Variants in ARMC6 observed in about 807,000 individuals in gnomAD.
ARMC6 encodes armadillo repeat-containing protein 6.
ARMC6 carries 43 observed loss-of-function variants against 49.2 expected under a neutral mutation model. The ratio of observed to expected loss-of-function variants is 0.87; its 90% CI spans 0.69 to 1.13. The LOEUF is 1.13. Among genes scored for constraint, ARMC6 ranks in the 50% most tolerant of loss-of-function variants. The pLI is 0.00. For missense variants in ARMC6, 627 were observed against 682.0 expected, an observed-to-expected ratio of 0.92 and a Z score of 0.90; for synonymous variants, 262 against 289.6, an observed-to-expected ratio of 0.90 and a Z score of 0.97.
In ARMC6 at chr19:19,033,823, A is replaced by C. The variant is rs1291178024; in HGVS notation, c.-187A>C. 3.7e-6 allele frequency: 1 copy of C among 267,304 alleles called. No individual in the cohort carries two copies. The allele number at this position is 267,304 out of a possible 1,614,324, so 16.6% of individuals were successfully genotyped here. A position where few individuals can be genotyped will look rare whatever the true frequency, so the allele number is the denominator to read the frequency against. On this transcript the variant is annotated 5_prime_UTR_variant, in exon 1 of 9. Transcript: ENST00000535612. Reference sequence around the variant, plus strand: ...CGCGAGTCTCTGGGAGGCCAAGCCTAGGGGCGCCACAGCGCCTGCGCGCGT... The same window carrying C: ...CGCGAGTCTCTGGGAGGCCAAGCCTCGGGGCGCCACAGCGCCTGCGCGCGT...
chr19:19,037,602 G>A, intron 2 of ARMC6: 1 of 1,241,484 alleles, frequency 8.1e-7, no homozygotes, highest in Non-Finnish European at 1.0e-6. Flanking sequence ...CTGGCCTCAT[G>A]TGATCCTTCC....
chr19:19,056,892 C>T (rs2145883975), intron 8 of ARMC6, among the ~76,000 whole-genome samples: 1 of 152,340 alleles, frequency 6.6e-6, no homozygotes, highest in South Asian at 2.1e-4. Context: ...TCTGGCCACC[C>T]TGGCCAGCAG....
chr19:19,048,273 G>A (rs967846229), intron 4 of ARMC6, among the ~76,000 whole-genome samples: 5 of 152,190 alleles, frequency 3.3e-5, no homozygotes, highest in Non-Finnish European at 7.3e-5. Flanking sequence ...TTGAACCCGG[G>A]AGGCAGAGGT....
intron 4 of ARMC6, among the ~76,000 whole-genome samples, chr19:19,047,564 G>A (rs1258943296): frequency 6.6e-5 from 10 of 152,288 alleles, no homozygotes; most frequent in Non-Finnish European, 1.3e-4. Flanking sequence ...ATGACTCCAG[G>A]AGTCAATGGG....
intron 2 of ARMC6, among the ~76,000 whole-genome samples, chr19:19,039,050 GTTC>G (rs1040295172): frequency 1.6e-4 from 24 of 152,214 alleles, no homozygotes; most frequent in African/African-American, 5.5e-4. Flanking sequence ...TCATTGCTCA[GTTC>G]TTTTTGTTTT....
At chr19:19,039,182 C>T in intron 2 of ARMC6, 1 of 232,314 alleles carries the variant, frequency 4.3e-6, no homozygotes, top group South Asian at 4.2e-5. Flanking sequence ...TCATCCAGAC[C>T]GGAGTGCAGT....
Position 19,057,905 on chromosome 19 carries a change from AGG to A in ARMC6, c.*281_*282del. ...TTCCCCCAGCCCCACGCCCTACCAG[AGG>A]GGGCAAAGGGCACGTCCCATCACTC... On this transcript the variant is annotated 3_prime_UTR_variant, in exon 9 of 9. Transcript: ENST00000535612. The A allele has an allele frequency of 1.8e-6, 1 of 557,840 alleles. No homozygotes were observed. The allele number at this position is 557,840 out of a possible 1,614,324, so 34.6% of individuals were successfully genotyped here.
chr19:19,050,788 C>T (rs1289424675), intron 4 of ARMC6, among the ~76,000 whole-genome samples: 1 of 152,146 alleles, frequency 6.6e-6, no homozygotes, highest in Non-Finnish European at 1.5e-5. Context: ...CTTTGTTTTT[C>T]GTGTCAGTCA....
rs760269589 is a variant in ARMC6 at position 19,052,216 on chromosome 19, C to G, written c.853+21C>G. On this transcript the variant is annotated intron_variant, in intron 5 of 8. Coordinates refer to ENST00000535612, the MANE Select transcript of ARMC6 (RefSeq NM_001199196.2). ...CAAAGGTAAGAGCTGGGGGCCGACA[C>G]GAGCCAGCGAACAAAGTGGGCGGGT... 2.6e-6 allele frequency: 4 copies of G among 1,556,100 alleles called. No homozygotes were observed. In the African/African-American group the frequency reaches 4.1e-5, roughly 16 times the overall value.
At chr19:19,049,530 T>G (rs1159802487) in intron 4 of ARMC6, among the ~76,000 whole-genome samples, 1 of 152,240 alleles carries the variant, frequency 6.6e-6, no homozygotes, top group Non-Finnish European at 1.5e-5. Flanking sequence ...AAAATGTGCA[T>G]AAAAACATTT....
intron 2 of ARMC6, among the ~76,000 whole-genome samples, chr19:19,035,180 A>G (rs2059347665): frequency 6.6e-6 from 1 of 151,566 alleles, no homozygotes; most frequent in Non-Finnish European, 1.5e-5. Flanking sequence ...AATTTTTTGT[A>G]TTTTCAGTAG....
At chr19:19,037,806 C>A in intron 2 of ARMC6, 1 of 600,542 alleles carries the variant, frequency 1.7e-6, no homozygotes, top group African/African-American at 2.1e-5. Flanking sequence ...GGGACGGTGG[C>A]AAATGTTAGG....
chr19:19,057,887 A>G lies in ARMC6; in HGVS notation c.*259A>G, dbSNP rs972367570. The stretch of plus-strand genomic sequence containing the variant: ...ATGTTACTGTCCTGCTCCTTCCCCC[A>G]GCCCCACGCCCTACCAGAGGGGGCA... On this transcript the variant is annotated 3_prime_UTR_variant, in exon 9 of 9. Coordinates refer to ENST00000535612, the MANE Select transcript of ARMC6 (RefSeq NM_001199196.2). 1 of 620,930 alleles carries G rather than the reference A, an allele frequency of 1.6e-6. No individual in the cohort carries two copies. Among genetic ancestry groups the G allele is most frequent in the South Asian group, 1.7e-5 (1 of 58,354 alleles). 38.5% of individuals were successfully genotyped at this position (620,930 alleles called of 1,614,324 possible). A position where few individuals can be genotyped will look rare whatever the true frequency, so the allele number is the denominator to read the frequency against.
In ARMC6 at chr19:19,055,266, A is replaced by G. The variant is rs757919981; in HGVS notation, c.1025A>G (p.Glu342Gly). 1.2e-5 allele frequency: 19 copies of G among 1,595,842 alleles called. No individual in the cohort carries two copies. Among genetic ancestry groups the G allele is most frequent in the Non-Finnish European group, 1.6e-5 (19 of 1,171,006 alleles). The change falls in exon 7 of 9, where the codon GAG becomes GGG. Residue 342 changes from glutamate (E) to glycine (G), a missense_variant and splice_region_variant. Physicochemically the swap from Glu to Gly is moderately conservative, Grantham distance 98. Coordinates refer to ENST00000535612, the MANE Select transcript of ARMC6 (RefSeq NM_001199196.2). The surrounding 1 kb of genome is among the most constrained non-coding windows in gnomAD (Gnocchi z 5.7). ...TGAGCGGGCCTTTCCCTTGTGCAGG[A>G]GCTCGTGAAGCAAGTGCTGAGCACC... The part of the protein sequence containing the change: ...HQMRDQSGVQ[E>G]LVKQVLSTLR...
chr19:19,050,924 G>A lies in ARMC6; in HGVS notation c.280-698G>A, dbSNP rs924255567. On this transcript the variant is annotated intron_variant, in intron 4 of 8. Coordinates refer to ENST00000535612, the MANE Select transcript of ARMC6 (RefSeq NM_001199196.2). Reference sequence around the variant, plus strand: ...TTTGGCTCATGCTAAGACATGTCCCGAGGTCATGTAGTTGAATGGCAGCTA... The same window carrying A: ...TTTGGCTCATGCTAAGACATGTCCCAAGGTCATGTAGTTGAATGGCAGCTA... 6.6e-5 allele frequency among the ~76,000 whole-genome samples: 10 copies of A among 152,204 alleles called. No individual in the cohort carries two copies. In the South Asian group the frequency reaches 8.3e-4, roughly 13 times the overall value.
chr19:19,057,391 A>G, intron 8 of ARMC6, 25 bp from the exon 9 acceptor site: 1 of 1,600,902 alleles, frequency 6.2e-7, no homozygotes. Flanking sequence ...CCCATCTGGC[A>G]GCTCACAGCT....
intron 5 of ARMC6, 142 bp downstream of exon 5, chr19:19,052,337 G>T: frequency 1.3e-6 from 1 of 768,744 alleles, no homozygotes; most frequent in Non-Finnish European, 2.0e-6. Flanking sequence ...TGCCTGCATG[G>T]CAGCCCTCGT....
intron 4 of ARMC6, among the ~76,000 whole-genome samples, chr19:19,045,437 A>G (rs914517499): frequency 6.9e-6 from 1 of 144,650 alleles, no homozygotes; most frequent in South Asian, 2.2e-4. Flanking sequence ...TATCGTCTAT[A>G]TTGTCTAGCA....
intron 2 of ARMC6, among the ~76,000 whole-genome samples, chr19:19,041,970 C>T (rs537827973): frequency 2.6e-5 from 4 of 151,826 alleles, no homozygotes; most frequent in African/African-American, 4.8e-5. Flanking sequence ...AGTGCAGTGG[C>T]GCAATCTTGG....
Sources: gnomAD v4.1 joint callset for allele counts (sites outside exome capture counted in the v4.1 genomes callset) on GRCh38, gnomAD v4.1.1 for gene constraint, Gnocchi (gnomAD v3.1) non-coding constraint, MANE v1.5 for transcripts, NCBI Gene and HGNC (gene_info 2026-07-23, HGNC 2026-07-21) for gene names.